RAI1: variants seen among roughly 807,000 people sequenced by gnomAD.
RAI1 encodes the protein retinoic acid-induced protein 1.
A neutral mutation model predicts 123.8 loss-of-function variants in RAI1; 9 were observed. The ratio of observed to expected loss-of-function variants is 0.07; its 90% CI spans 0.04 to 0.13. RAI1 has a LOEUF of 0.13. RAI1 is among the 10% of genes least tolerant of loss of function. The pLI is 1.00. For synonymous variants in RAI1, 1,231 were observed against 1,127.3 expected (o/e 1.09, Z -1.84); for missense variants, 2,256 against 2,545.8 (o/e 0.89, Z 2.45).
chr17:17,695,400 C>A (rs1914988910), intron 1 of RAI1, among the ~76,000 whole-genome samples: 1 of 152,182 alleles, frequency 6.6e-6, no homozygotes, highest in Non-Finnish European at 1.5e-5. Flanking sequence ...TCGGGCACCC[C>A]GCCTGCCCTG....
chr17:17,690,248 G>A (rs569174622), intron 1 of RAI1, among the ~76,000 whole-genome samples: 5 of 152,028 alleles, frequency 3.3e-5, no homozygotes, highest in Non-Finnish European at 5.9e-5. Flanking sequence ...ATAGCTGGGC[G>A]TGGTGGTGGG....
chr17:17,695,531 C>A (rs934993217), intron 1 of RAI1, among the ~76,000 whole-genome samples: 3 of 145,466 alleles, frequency 2.1e-5, no homozygotes, highest in Non-Finnish European at 3.0e-5. Context: ...TTCTCTCTCT[C>A]TTTTTTTTTT....
At chr17:17,807,469 G>A (rs529522372) in intron 4 of RAI1, among the ~76,000 whole-genome samples, 1 of 152,354 alleles carries the variant, frequency 6.6e-6, no homozygotes, top group South Asian at 2.1e-4. Context: ...CCACTTTGGA[G>A]ACAAGCAGTG....
At position 17,796,011 on chromosome 17, in the gene RAI1, C is replaced by T. The variant is rs748188039; in HGVS notation, c.3063C>T (p.Pro1021=). 1.4e-5 allele frequency: 22 copies of T among 1,596,252 alleles called. No homozygotes were observed. Among genetic ancestry groups the T allele is most frequent in the Non-Finnish European group, 1.8e-5 (21 of 1,172,996 alleles). ...CCCCATGCAGGGCACCAGTGCTGCCCAAAGACCTCTTGCTCCCTGAATCCT... is the reference window on the plus strand; with the variant it reads ...CCCCATGCAGGGCACCAGTGCTGCCTAAAGACCTCTTGCTCCCTGAATCCT... ...EDSPCRAPVL[P]KDLLLPESCT... The change falls in exon 3 of 6, where the codon CCC becomes CCT. Residue 1021 remains proline, a synonymous_variant. Coordinates refer to ENST00000353383, the MANE Select transcript of RAI1 (RefSeq NM_030665.4). This position sits in a 1 kb window ranked among gnomAD's most constrained non-coding sequence, Gnocchi z 5.8.
intron 2 of RAI1, among the ~76,000 whole-genome samples, chr17:17,752,428 T>G (rs1308277129): frequency 6.6e-6 from 1 of 151,588 alleles, no homozygotes; most frequent in Admixed American, 6.6e-5. Context: ...CTGCCTGTGA[T>G]TAACAGGCGG....
chr17:17,750,512 G>A (rs2030113025), intron 2 of RAI1, among the ~76,000 whole-genome samples: 1 of 151,990 alleles, frequency 6.6e-6, no homozygotes, highest in African/African-American at 2.4e-5. Flanking sequence ...ACCTGAGGTC[G>A]AGAGTTTGAG....
chr17:17,753,123 A>C (rs903710331), intron 2 of RAI1, among the ~76,000 whole-genome samples: 3 of 152,178 alleles, frequency 2.0e-5, no homozygotes, highest in African/African-American at 7.2e-5. Flanking sequence ...CCCAGGCCCG[A>C]GGAGCCTGGT....
intron 2 of RAI1, among the ~76,000 whole-genome samples, chr17:17,756,114 A>G (rs1486833833): frequency 1.3e-5 from 2 of 152,030 alleles, no homozygotes. Flanking sequence ...TTCCCCTGGG[A>G]CAGGAGTTCT....
chr17:17,715,752 TC>T (rs1261080929), intron 1 of RAI1, among the ~76,000 whole-genome samples: 1 of 152,120 alleles, frequency 6.6e-6, no homozygotes, highest in Non-Finnish European at 1.5e-5. Context: ...ATTCAAAGTT[TC>T]CCCTGGACTC....
chr17:17,809,343 G>A lies in RAI1; in HGVS notation c.5660-47G>A, dbSNP rs1396372807. ...GCTGCAGACAAAACCCCACAGCTGT[G>A]GGGCCCCCACCCTGTCCTAACCACC... On this transcript the variant is annotated intron_variant, in intron 4 of 5. Coordinates refer to ENST00000353383, the MANE Select transcript of RAI1 (RefSeq NM_030665.4). The surrounding 1 kb of genome is among the most constrained non-coding windows in gnomAD (Gnocchi z 4.9). 5.2e-6 allele frequency: 8 copies of A among 1,548,204 alleles called. No homozygotes were observed. Among genetic ancestry groups the A allele is most frequent in the African/African-American group, 1.4e-5 (1 of 73,338 alleles).
intron 1 of RAI1, among the ~76,000 whole-genome samples, chr17:17,707,158 A>C (rs554468162): frequency 1.4e-4 from 21 of 152,212 alleles, no homozygotes; most frequent in African/African-American, 4.1e-4. Context: ...AAAAATACAT[A>C]AATTAGCTGG....
rs776700802 is a variant in RAI1 at position 17,795,852 on chromosome 17, G to A, written c.2904G>A (p.Ser968=). The A allele has an allele frequency of 1.8e-5, 29 of 1,613,056 alleles. No homozygotes were observed. The highest frequency in any genetic ancestry group is 1.6e-4 in the East Asian group (7 of 44,890). Residue 968 remains serine (S), a synonymous_variant, in exon 3 of 6, where the codon TCG becomes TCA. Transcript: ENST00000353383. This position sits in a 1 kb window ranked among gnomAD's most constrained non-coding sequence, Gnocchi z 5.9. ...GAGCTCCAGGGGATTCCACCACCTCGGACGCCTCTCTGGCCCAGAAGCCCA... is the reference window on the plus strand; with the variant it reads ...GAGCTCCAGGGGATTCCACCACCTCAGACGCCTCTCTGGCCCAGAAGCCCA... The part of the protein sequence containing the change: ...GERAPGDSTT[S]DASLAQKPNK...
At chr17:17,734,853 T>C (rs1916378721) in intron 2 of RAI1, among the ~76,000 whole-genome samples, 1 of 152,166 alleles carries the variant, frequency 6.6e-6, no homozygotes, top group South Asian at 2.1e-4. Context: ...CGACACCAGC[T>C]CGCCCTCCAC....
chr17:17,681,761 A>G lies in RAI1; in HGVS notation c.-181A>G, dbSNP rs921660458. The G allele has an allele frequency of 6.1e-6, 2 of 327,228 alleles. No homozygotes were observed. The highest frequency in any genetic ancestry group is 5.6e-6 in the Non-Finnish European group (1 of 179,602). 20.3% of individuals were successfully genotyped at this position (327,228 alleles called of 1,614,324 possible). ...CCGGGCCGCGAAGTCGCAGCGCCAG[A>G]CCCAAGGCCCCCGAGTGAGCGCGGG... On this transcript the variant is annotated 5_prime_UTR_variant, in exon 1 of 6. Coordinates refer to ENST00000353383, the MANE Select transcript of RAI1 (RefSeq NM_030665.4).
chr17:17,728,258 G>A (rs1329016211), intron 2 of RAI1, among the ~76,000 whole-genome samples: 1 of 151,934 alleles, frequency 6.6e-6, no homozygotes, highest in Admixed American at 6.6e-5. Context: ...CTGCTTCAAG[G>A]TTGTGGCTGG....
intron 2 of RAI1, among the ~76,000 whole-genome samples, chr17:17,780,882 C>T (rs2031552028): frequency 6.6e-6 from 1 of 152,210 alleles, no homozygotes; most frequent in African/African-American, 2.4e-5. Context: ...CTGTCTCTCC[C>T]CTTCTGGGCC....
rs1457793419 is a variant in RAI1 at position 17,714,042 on chromosome 17, C to T, written c.-148-9986C>T. On this transcript the variant is annotated intron_variant, in intron 1 of 5. Coordinates refer to ENST00000353383, the MANE Select transcript of RAI1 (RefSeq NM_030665.4). The surrounding 1 kb of genome is among the most constrained non-coding windows in gnomAD (Gnocchi z 4.9). The stretch of plus-strand genomic sequence containing the variant: ...GTCCCAGCCGCCCACGATGCCTCCA[C>T]CCAGAGGCTGCCCTGTTCTGCTTGC... Among the ~76,000 whole-genome samples the T allele has an allele frequency of 6.6e-6, 1 of 152,168 alleles. No homozygotes were observed. Among genetic ancestry groups the T allele is most frequent in the Non-Finnish European group, 1.5e-5 (1 of 68,040 alleles).
chr17:17,766,030 A>C (rs749937269), intron 2 of RAI1: 11 of 152,288 alleles, frequency 7.2e-5, no homozygotes, highest in Non-Finnish European at 1.5e-4. Flanking sequence ...CCTGGGGTCC[A>C]GGCCTGGTTC....
At chr17:17,804,300 G>C (rs1187717692) in intron 4 of RAI1, among the ~76,000 whole-genome samples, 4 of 152,220 alleles carry the variant, frequency 2.6e-5, no homozygotes, top group Non-Finnish European at 5.9e-5. Flanking sequence ...AAAACAGACT[G>C]AGACCCATGG....
Sources: allele counts gnomAD v4.1 joint callset (sites outside exome capture counted in the v4.1 genomes callset), GRCh38; gene constraint gnomAD v4.1.1; non-coding constraint Gnocchi (gnomAD v3.1); transcripts MANE v1.5; gene names NCBI Gene and HGNC (gene_info 2026-07-23, HGNC 2026-07-21).